The following CWF19L2 variants were observed in gnomAD, a reference collection of about 807,000 sequenced individuals.
CWF19L2 encodes CWF19 like cell cycle control factor 2.
A neutral mutation model predicts 111.7 loss-of-function variants in CWF19L2; 98 were observed. The observed-to-expected ratio is 0.88, with a 90% confidence interval of 0.75 to 1.04. The LOEUF is 1.04. CWF19L2 is among the 50% of genes least tolerant of loss of function. CWF19L2 has a pLI of 0.00. For missense variants in CWF19L2, 1,101 were observed against 1,051.4 expected (o/e 1.05, Z -0.65); for synonymous variants, 351 against 342.9 (o/e 1.02, Z -0.26).
In CWF19L2 at chr11:107,427,937, A is replaced by G. The variant is rs925134909; in HGVS notation, c.1433+862T>C. 3.3e-5 allele frequency among the ~76,000 whole-genome samples: 5 copies of G among 152,266 alleles called. No homozygotes were observed. In the East Asian group the frequency reaches 9.7e-4, roughly 29 times the overall value. On this transcript the variant is annotated intron_variant, in intron 8 of 17. Coordinates refer to ENST00000282251, the MANE Select transcript of CWF19L2 (RefSeq NM_152434.3). ...TGCTTCAGATGGAGTCATTAACAAAAGTGATTTATCAGACTCACAACCCCA... is the reference window on the plus strand; with the variant it reads ...TGCTTCAGATGGAGTCATTAACAAAGGTGATTTATCAGACTCACAACCCCA...
At chr11:107,448,445 A>G (rs987284676) in intron 3 of CWF19L2, among the ~76,000 whole-genome samples, 1 of 151,960 alleles carries the variant, frequency 6.6e-6, no homozygotes, top group Non-Finnish European at 1.5e-5. Context: ...AAGGCTAGAA[A>G]GTAAGTGAAC....
At position 107,433,659 on chromosome 11, in the gene CWF19L2, T is replaced by C; in HGVS notation, c.755A>G (p.Glu252Gly). Reference sequence around the variant, plus strand: ...CCCATATCTTTCGGCTACAATGTCCTCAAAGTTTCTACTTTGTTTCTCAGC... The same window carrying C: ...CCCATATCTTTCGGCTACAATGTCCCCAAAGTTTCTACTTTGTTTCTCAGC... ...EQAEKQSRNFEDIVAERYGSM... is the reference protein window; with the variant it reads ...EQAEKQSRNFGDIVAERYGSM... Residue 252 changes from glutamate (E) to glycine (G), a missense_variant, in exon 7 of 18, where the codon GAG becomes GGG. Coordinates refer to ENST00000282251, the MANE Select transcript of CWF19L2 (RefSeq NM_152434.3). 2 of 1,576,302 alleles carry C rather than the reference T, an allele frequency of 1.3e-6. No individual in the cohort carries two copies. The highest frequency in any genetic ancestry group is 1.7e-6 in the Non-Finnish European group (2 of 1,158,848).
intron 10 of CWF19L2, among the ~76,000 whole-genome samples, chr11:107,405,850 A>AAG (rs1555023831): frequency 1.1e-3 from 151 of 141,810 alleles, no homozygotes; most frequent in African/African-American, 2.8e-3. Context: ...AAAAAAAAAA[A>AAG]AAGAAGAAGA....
At chr11:107,413,519 A>G (rs1861186877) in intron 10 of CWF19L2, among the ~76,000 whole-genome samples, 1 of 152,222 alleles carries the variant, frequency 6.6e-6, no homozygotes, top group African/African-American at 2.4e-5. Flanking sequence ...ATCTGGTACT[A>G]ACAGTTAGCA....
intron 13 of CWF19L2, among the ~76,000 whole-genome samples, chr11:107,351,164 C>G (rs1860151497): frequency 6.6e-6 from 1 of 152,030 alleles, no homozygotes; most frequent in Non-Finnish European, 1.5e-5. Flanking sequence ...TTACAGAAGT[C>G]CAGTAATAAA....
At chr11:107,387,805 C>T (rs539383579) in intron 12 of CWF19L2, among the ~76,000 whole-genome samples, 1 of 152,110 alleles carries the variant, frequency 6.6e-6, no homozygotes, top group Non-Finnish European at 1.5e-5. Flanking sequence ...ACAATAATGC[C>T]GACTGGCCCG....
rs914389709 is a variant in CWF19L2 at position 107,431,619 on chromosome 11, C to A, written c.780+2015G>T. 8.5e-5 allele frequency among the ~76,000 whole-genome samples: 13 copies of A among 152,094 alleles called. 1 individual carries two copies. The highest frequency in any genetic ancestry group is 2.9e-4 in the African/African-American group (12 of 41,530). On this transcript the variant is annotated intron_variant, in intron 7 of 17. Coordinates refer to ENST00000282251, the MANE Select transcript of CWF19L2 (RefSeq NM_152434.3). ...TAAGAAAACTAAACACATAAGAAAG[C>A]AAAGCTAATTTTTTTGGTGACTAAC...
intron 13 of CWF19L2, among the ~76,000 whole-genome samples, chr11:107,349,959 A>C (rs539203531): frequency 6.6e-6 from 1 of 152,320 alleles, no homozygotes; most frequent in South Asian, 2.1e-4. Flanking sequence ...TTTCTACATA[A>C]TCACTGAGAT....
chr11:107,380,046 C>CAAAAAAAA (rs66699460), intron 12 of CWF19L2, among the ~76,000 whole-genome samples: 4,430 of 34,460 alleles, frequency 0.13, 1,096 homozygotes, highest in Non-Finnish European at 0.18. Context: ...GACACCGTCT[C>CAAAAAAAA]AAAAAAAAAA....
At position 107,442,724 on chromosome 11, in the gene CWF19L2, GAGAA is replaced by G. The variant is rs1392272206; in HGVS notation, c.450+211_450+214del. Among the ~76,000 whole-genome samples the G allele has an allele frequency of 7.5e-3, 887 of 119,000 alleles. 10 individuals carry two copies. Among genetic ancestry groups the G allele is most frequent in the African/African-American group, 0.027 (811 of 29,684 alleles). 78.1% of individuals were successfully genotyped at this position (119,000 alleles called of 152,430 possible). On this transcript the variant is annotated intron_variant, in intron 4 of 17. Coordinates refer to ENST00000282251, the MANE Select transcript of CWF19L2 (RefSeq NM_152434.3). The stretch of plus-strand genomic sequence containing the variant: ...AGAGAAAGAGAGAGAGAGAGAGAAA[GAGAA>G]AGAAAGAAAGGAAGGAAGGAAGGAA...
chr11:107,423,464 GGTCT>G (rs1370474810), intron 8 of CWF19L2, among the ~76,000 whole-genome samples: 1 of 151,746 alleles, frequency 6.6e-6, no homozygotes, highest in Non-Finnish European at 1.5e-5. Flanking sequence ...CTTTCTCCAG[GGTCT>G]GTCTCTCAAA....
intron 5 of CWF19L2, among the ~76,000 whole-genome samples, chr11:107,440,028 C>T (rs1225399419): frequency 6.6e-6 from 1 of 152,162 alleles, no homozygotes; most frequent in Non-Finnish European, 1.5e-5. Flanking sequence ...GTGTTCTAAG[C>T]ACGATGCCAG....
At chr11:107,396,025 G>A (rs922287340) in intron 10 of CWF19L2, among the ~76,000 whole-genome samples, 1 of 152,064 alleles carries the variant, frequency 6.6e-6, no homozygotes, top group African/African-American at 2.4e-5. Context: ...TCCTCCCTTT[G>A]CCAACTTTCT....
chr11:107,360,738 C>G (rs12278176), intron 12 of CWF19L2, among the ~76,000 whole-genome samples: 2,533 of 152,248 alleles, frequency 0.017, 75 homozygotes, highest in African/African-American at 0.057. Context: ...AGATGATTAG[C>G]GATGTTGAAC....
intron 12 of CWF19L2, among the ~76,000 whole-genome samples, chr11:107,359,048 G>A (rs1245589352): frequency 2.0e-5 from 3 of 147,166 alleles, no homozygotes; most frequent in Non-Finnish European, 4.6e-5. Flanking sequence ...CTCAAAGCTT[G>A]TGAACAAAAC....
chr11:107,362,174 C>T (rs944634849), intron 12 of CWF19L2, among the ~76,000 whole-genome samples: 7 of 146,436 alleles, frequency 4.8e-5, no homozygotes, highest in South Asian at 2.2e-4. Context: ...GAGGGTCCTA[C>T]GCCCACGGAG....
chr11:107,422,184 CAG>C (rs940205166), intron 8 of CWF19L2, among the ~76,000 whole-genome samples: 3 of 152,026 alleles, frequency 2.0e-5, no homozygotes, highest in African/African-American at 7.2e-5. Context: ...TTGAACAACA[CAG>C]GGGTGAACTG....
chr11:107,405,466 G>C (rs1202214465), intron 10 of CWF19L2, among the ~76,000 whole-genome samples: 2 of 151,960 alleles, frequency 1.3e-5, no homozygotes, highest in Non-Finnish European at 2.9e-5. Flanking sequence ...GATCCATGTT[G>C]GTAACAATTA....
At chr11:107,412,969 A>AT (rs1412870822) in intron 10 of CWF19L2, among the ~76,000 whole-genome samples, 1 of 152,228 alleles carries the variant, frequency 6.6e-6, no homozygotes, top group African/African-American at 2.4e-5. Flanking sequence ...CCAGGAGTTA[A>AT]GGGGTAGGGA....
Sources: allele counts gnomAD v4.1 joint callset (sites outside exome capture counted in the v4.1 genomes callset), GRCh38; gene constraint gnomAD v4.1.1; transcripts MANE v1.5; gene names NCBI Gene and HGNC (gene_info 2026-07-23, HGNC 2026-07-21).